The following KDM2B variants were observed in gnomAD, a reference collection of about 807,000 sequenced individuals.
The protein encoded by KDM2B is lysine demethylase 2B, also known as lysine-specific demethylase 2B.
Under a neutral mutation model 150.0 loss-of-function variants are expected in KDM2B, and 26 were observed. The ratio of observed to expected loss-of-function variants is 0.17; its 90% confidence interval spans 0.13 to 0.24. The LOEUF (loss-of-function observed/expected upper bound fraction) is 0.24, where lower values mean the gene tolerates loss of function less well. Ranked by LOEUF, KDM2B falls within the 10% of genes least tolerant of loss-of-function variation. The pLI is 1.00. For synonymous variants in KDM2B, 734 were observed against 729.5 expected, an observed-to-expected ratio of 1.01 and a Z score of -0.10; for missense variants, 1,265 against 1,816.9, an observed-to-expected ratio of 0.70 and a Z score of 5.52.
intron 12 of KDM2B, among the ~76,000 whole-genome samples, chr12:121,478,871 T>TTTGTGTGTGG (rs1881722643): frequency 2.7e-5 from 4 of 150,844 alleles, no homozygotes; most frequent in African/African-American, 9.7e-5. Flanking sequence ...TTTGTTTGTG[T>TTTGTGTGTGG]GTGTGTGTGT....
chr12:121,512,918 C>A (rs1441135251), intron 10 of KDM2B, among the ~76,000 whole-genome samples: 2 of 152,228 alleles, frequency 1.3e-5, no homozygotes, highest in Non-Finnish European at 2.9e-5. Flanking sequence ...ACCTCCAGTG[C>A]AGGAGGAAAA....
chr12:121,547,483 G>A (rs898753610), intron 6 of KDM2B, among the ~76,000 whole-genome samples: 2 of 152,146 alleles, frequency 1.3e-5, no homozygotes, highest in Non-Finnish European at 2.9e-5. Flanking sequence ...TGAATTAAGG[G>A]CTGAGTGAAT....
intron 4 of KDM2B, among the ~76,000 whole-genome samples, chr12:121,558,112 G>A (rs564602593): frequency 1.6e-4 from 24 of 152,352 alleles, no homozygotes; most frequent in South Asian, 1.0e-3. Context: ...TGTGAGTGCC[G>A]TGAGGGCAGG....
chr12:121,532,460 G>A (rs1405327360), intron 8 of KDM2B, among the ~76,000 whole-genome samples: 3 of 152,168 alleles, frequency 2.0e-5, no homozygotes, highest in African/African-American at 7.2e-5. Context: ...AATTCCACCT[G>A]AGGCCATGCA....
chr12:121,486,470 C>G (rs550516120), intron 12 of KDM2B, among the ~76,000 whole-genome samples: 1 of 150,574 alleles, frequency 6.6e-6, no homozygotes, highest in South Asian at 2.1e-4. Flanking sequence ...TGAGCCACTG[C>G]GCCCGGCATT....
intron 11 of KDM2B, among the ~76,000 whole-genome samples, chr12:121,495,720 CAT>C (rs1167776988): frequency 1.3e-5 from 2 of 152,198 alleles, no homozygotes. Flanking sequence ...TTGATGCCTT[CAT>C]AGAGCCATGA....
downstream of KDM2B, among the ~76,000 whole-genome samples, chr12:121,424,636 T>C (rs1229030670): frequency 6.7e-6 from 1 of 149,202 alleles, no homozygotes; most frequent in Non-Finnish European, 1.5e-5. Flanking sequence ...GCTTGAGCCT[T>C]GGGTGTGGAG....
the KDM2B span, chr12:121,423,290 T>G: frequency 1.1e-6 from 1 of 892,736 alleles, no homozygotes; most frequent in Non-Finnish European, 1.7e-6. This position sits in a 1 kb window ranked among gnomAD's most constrained non-coding sequence, Gnocchi z 4.3. Context: ...CCTGCAGGGG[T>G]CATTCAGCAG....
intron 12 of KDM2B, among the ~76,000 whole-genome samples, chr12:121,480,925 TTTTG>T (rs1882042745): frequency 8.4e-6 from 1 of 118,920 alleles, no homozygotes; most frequent in Admixed American, 8.9e-5. Flanking sequence ...GAGGTGTTTT[TTTTG>T]TTGTTTTTTT....
At chr12:121,550,170 C>T (rs924611571) in intron 4 of KDM2B, among the ~76,000 whole-genome samples, 2 of 152,054 alleles carry the variant, frequency 1.3e-5, no homozygotes, top group Non-Finnish European at 2.9e-5. Flanking sequence ...AATAGCCGGG[C>T]GTGGTGGCTC....
chr12:121,542,414 T>C (rs528392378), intron 6 of KDM2B, among the ~76,000 whole-genome samples: 23 of 152,318 alleles, frequency 1.5e-4, no homozygotes, highest in African/African-American at 5.5e-4. Context: ...CAAAGTGCTG[T>C]GATTACAGGC....
At chr12:121,491,533 C>T (rs892636776) in intron 12 of KDM2B, among the ~76,000 whole-genome samples, 44 of 152,208 alleles carry the variant, frequency 2.9e-4, no homozygotes, top group Middle Eastern at 6.8e-3. Context: ...TGGCTCACGC[C>T]TTTAATTCCA....
intron 11 of KDM2B, among the ~76,000 whole-genome samples, chr12:121,497,763 G>A (rs1311529295): frequency 6.6e-6 from 1 of 151,974 alleles, no homozygotes; most frequent in African/African-American, 2.4e-5. Flanking sequence ...ATGTAATATT[G>A]TACCTTGGGT....
At chr12:121,557,996 T>C (rs1406189087) in intron 4 of KDM2B, among the ~76,000 whole-genome samples, 1 of 152,184 alleles carries the variant, frequency 6.6e-6, no homozygotes, top group Non-Finnish European at 1.5e-5. Flanking sequence ...GTTTACCTAG[T>C]AGCTTCACAA....
At chr12:121,558,921 C>G (rs1403618663) in intron 4 of KDM2B, among the ~76,000 whole-genome samples, 1 of 152,172 alleles carries the variant, frequency 6.6e-6, no homozygotes, top group African/African-American at 2.4e-5. Flanking sequence ...ATGCCTCCCA[C>G]TGCCATCGCC....
intron 6 of KDM2B, chr12:121,536,266 A>G (rs1888087776): frequency 5.8e-6 from 1 of 172,472 alleles, no homozygotes; most frequent in South Asian, 1.9e-4. Flanking sequence ...CCTCCTCCCC[A>G]TAGGCTGGAA....
intron 10 of KDM2B, 138 bp from the exon 11 acceptor site, chr12:121,510,177 GC>G: frequency 1.3e-6 from 1 of 764,928 alleles, no homozygotes; most frequent in Non-Finnish European, 2.1e-6. Flanking sequence ...AGTGCCTCCA[GC>G]CTCTGGAAAG....
At chr12:121,464,985 G>A (rs1879662434) in intron 12 of KDM2B, among the ~76,000 whole-genome samples, 1 of 152,134 alleles carries the variant, frequency 6.6e-6, no homozygotes, top group Non-Finnish European at 1.5e-5. Flanking sequence ...CCCAACTACG[G>A]GGTACCTTAG....
At position 121,452,813 on chromosome 12, in the gene KDM2B, A is replaced by G. The variant is rs1005620605; in HGVS notation, c.1959+307T>C. ...TCTGAAGGCAGGGCCGGAAGGAAGG[A>G]AGGAAGGGCCCAGAACCGTCACCCA... On this transcript the variant is annotated intron_variant, in intron 13 of 22. Coordinates refer to ENST00000377071, the MANE Select transcript of KDM2B (RefSeq NM_032590.5). The surrounding 1 kb of genome is among the most constrained non-coding windows in gnomAD (Gnocchi z 4.4). 6.6e-6 allele frequency among the ~76,000 whole-genome samples: 1 copy of G among 152,190 alleles called. No homozygotes were observed. Among genetic ancestry groups the G allele is most frequent in the Admixed American group, 6.5e-5 (1 of 15,288 alleles).
Sources: gnomAD v4.1 joint callset for allele counts (sites outside exome capture counted in the v4.1 genomes callset) on GRCh38, gnomAD v4.1.1 for gene constraint, Gnocchi (gnomAD v3.1) non-coding constraint, MANE v1.5 for transcripts, NCBI Gene and HGNC (gene_info 2026-07-23, HGNC 2026-07-21) for gene names.